The following LAMA5 variants were observed in gnomAD, a reference collection of about 807,000 sequenced individuals.
LAMA5 encodes laminin subunit alpha 5, also known as laminin subunit alpha-5.
A neutral mutation model predicts 433.4 loss-of-function variants in LAMA5; 260 were observed. The ratio of observed to expected loss-of-function variants is 0.60; its 90% CI spans 0.54 to 0.66. The LOEUF (loss-of-function observed/expected upper bound fraction) is 0.66, where lower values mean the gene tolerates loss of function less well. Ranked by LOEUF, LAMA5 falls within the 30% of genes least tolerant of loss-of-function variation. The pLI is 0.00. For missense variants in LAMA5, 5,378 were observed against 5,258.5 expected (o/e 1.02, Z -0.70); for synonymous variants, 2,620 against 2,226.6 (o/e 1.18, Z -4.97).
chr20:62,319,757 G>T lies in LAMA5; in HGVS notation c.6798C>A (p.Ala2266=), dbSNP rs140336045. The change falls in exon 51 of 80, where the codon GCC becomes GCA. Residue 2266 remains alanine, a synonymous_variant. Coordinates refer to ENST00000252999, the MANE Select transcript of LAMA5 (RefSeq NM_005560.6). ...CATGGCCCAGTGTGGCCTCGGTGCC[G>T]GCCAGCAATTGGCTCGCCTGGTCTC... ...GTRDQASQLL[A]GTEATLGHAK... The T allele has an allele frequency of 6.5e-7, 1 of 1,548,938 alleles. No individual in the cohort carries two copies. The highest frequency in any genetic ancestry group is 1.2e-5 in the South Asian group (1 of 84,144).
chr20:62,329,584 G>A (rs1426989016), intron 32 of LAMA5, among the ~76,000 whole-genome samples, 193 bp downstream of exon 32: 2 of 152,188 alleles, frequency 1.3e-5, no homozygotes, highest in Admixed American at 6.5e-5. Context: ...AGGGTGCAGG[G>A]TGCAGGGTCC....
intron 18 of LAMA5, 31 bp downstream of exon 18, chr20:62,336,309 C>T: frequency 6.7e-7 from 1 of 1,482,614 alleles, no homozygotes; most frequent in Non-Finnish European, 9.3e-7. Context: ...CCAAGGAACC[C>T]CTGTACCCCA....
rs548734984 is a variant in LAMA5, at chr20:62,363,696, C to T, written c.298-1144G>A. Reference sequence around the variant, plus strand: ...CTCAATCTGAGTTTGAGAAAGTCAGCGGCCCTACCCCGCCCAGCCTCCCTT... The same window carrying T: ...CTCAATCTGAGTTTGAGAAAGTCAGTGGCCCTACCCCGCCCAGCCTCCCTT... On this transcript the variant is annotated intron_variant, in intron 1 of 79. Transcript: ENST00000252999. 2.6e-5 allele frequency among the ~76,000 whole-genome samples: 4 copies of T among 152,214 alleles called. No individual in the cohort carries two copies. The South Asian group carries it at 6.2e-4, about 24-fold the overall frequency.
chr20:62,315,297 G>T, intron 58 of LAMA5, 90 bp from the exon 59 acceptor site: 2 of 1,134,032 alleles, frequency 1.8e-6, no homozygotes, highest in South Asian at 1.5e-5. Flanking sequence ...CCAGCAACAG[G>T]GACATCCAAC....
intron 67 of LAMA5, 30 bp from the exon 68 acceptor site, chr20:62,312,562 C>T (rs767508204): frequency 6.2e-5 from 99 of 1,598,788 alleles, no homozygotes; most frequent in East Asian, 1.3e-4. Context: ...CGGGTCAGGG[C>T]GCCACCTCCA....
At position 62,310,026 on chromosome 20, in the gene LAMA5, G is replaced by A. The variant is rs149612146; in HGVS notation, c.10790C>T (p.Pro3597Leu). 6.4e-5 allele frequency: 103 copies of A among 1,611,420 alleles called. No homozygotes were observed. In the African/African-American group the frequency reaches 1.2e-3, roughly 19 times the overall value. ...AGEFSTSVTR[P>L]SVLCDGQWHR... ...CCACTGGCCATCACACAGCACTGAG[G>A]GGCGGGTCACTGACGTGGAGAACTC... Residue 3597 changes from proline to leucine, a missense_variant, in exon 78 of 80, where the codon CCC becomes CTC. Coordinates refer to ENST00000252999, the MANE Select transcript of LAMA5 (RefSeq NM_005560.6).
At chr20:62,317,813 G>A (rs1488611033) in intron 53 of LAMA5, 35 bp from the exon 54 acceptor site, 7 of 1,282,620 alleles carry the variant, frequency 5.5e-6, no homozygotes, top group Admixed American at 4.2e-5. Flanking sequence ...GGACAATGAG[G>A]GGTAAGAAAA....
chr20:62,330,456 T>G, intron 31 of LAMA5, 32 bp downstream of exon 31: 1 of 1,507,558 alleles, frequency 6.6e-7, no homozygotes, highest in Non-Finnish European at 8.9e-7. Flanking sequence ...TCGTGTGTGG[T>G]AGCCTCTCCA....
At chr20:62,352,532 G>A (rs796590072) in intron 3 of LAMA5, among the ~76,000 whole-genome samples, 172 bp from the exon 4 acceptor site, 7 of 152,314 alleles carry the variant, frequency 4.6e-5, no homozygotes, top group African/African-American at 1.7e-4. Context: ...CCGTTGGACT[G>A]CACTGCCCCC....
At position 62,313,477 on chromosome 20, in the gene LAMA5, G is replaced by A. The variant is rs765646174; in HGVS notation, c.8659-17C>T. ...GGGAGGGGGCTGTGGGCACAGGGCT[G>A]GGTCAGGGCACCTGGCCTGAGGCGC... On this transcript the variant is annotated splice_polypyrimidine_tract_variant and intron_variant, in intron 63 of 79. Coordinates refer to ENST00000252999, the MANE Select transcript of LAMA5 (RefSeq NM_005560.6). The A allele has an allele frequency of 6.3e-7, 1 of 1,590,074 alleles. No individual in the cohort carries two copies. The highest frequency in any genetic ancestry group is 8.6e-7 in the Non-Finnish European group (1 of 1,169,452).
chr20:62,321,533 G>GGGGGCGCCA (rs1987767745), intron 48 of LAMA5, among the ~76,000 whole-genome samples: 1 of 96,202 alleles, frequency 1.0e-5, no homozygotes, highest in Non-Finnish European at 2.0e-5. Context: ...TCAGTGAAAG[G>GGGGGCGCCA]GTGGCGCCAG....
chr20:62,363,563 G>T (rs1015229630), intron 1 of LAMA5, among the ~76,000 whole-genome samples: 1 of 152,088 alleles, frequency 6.6e-6, no homozygotes, highest in East Asian at 1.9e-4. Context: ...AGGAGAGGGG[G>T]CAGAGCTGGG....
rs775729056 is a variant in LAMA5, at chr20:62,325,267, G to A, written c.5529+49C>T. The stretch of plus-strand genomic sequence containing the variant: ...ACACAGGGAGGATGCTGGAGGGAAG[G>A]GTGTGCACAGGTGAGCCGCCTCGCA... On this transcript the variant is annotated intron_variant, in intron 41 of 79. Coordinates refer to ENST00000252999, the MANE Select transcript of LAMA5 (RefSeq NM_005560.6). 9 of 1,214,048 alleles carry A rather than the reference G, an allele frequency of 7.4e-6. No homozygotes were observed. In the South Asian group the frequency reaches 1.2e-4, roughly 16 times the overall value. 75.2% of individuals were successfully genotyped at this position (1,214,048 alleles called of 1,614,324 possible).
At position 62,346,402 on chromosome 20, in the gene LAMA5, G is replaced by A. The variant is rs1429424310; in HGVS notation, c.1282+104C>T. 10 of 1,377,554 alleles carry A rather than the reference G, an allele frequency of 7.3e-6. No individual in the cohort carries two copies. In the African/African-American group the frequency reaches 1.0e-4, roughly 14 times the overall value. 85.3% of individuals were successfully genotyped at this position (1,377,554 alleles called of 1,614,324 possible). ...GGGAGGCTCCTTCCTGGGCTGGCCT[G>A]GAAGCTCAGGACATCCCCTCCAAAG... On this transcript the variant is annotated intron_variant, in intron 9 of 79. Transcript: ENST00000252999.
chr20:62,327,426 G>A lies in LAMA5; in HGVS notation c.4939-20C>T. 1 of 1,589,602 alleles carries A rather than the reference G, an allele frequency of 6.3e-7. No individual in the cohort carries two copies. Among genetic ancestry groups the A allele is most frequent in the Non-Finnish European group, 8.6e-7 (1 of 1,165,408 alleles). ...CACGAACTGTGGGCACACACGTGTG[G>A]CTGCACACGGGTGGATGCCCACACA... On this transcript the variant is annotated intron_variant, in intron 37 of 79. Transcript: ENST00000252999.
chr20:62,325,567 C>G, intron 40 of LAMA5, 21 bp from the exon 41 acceptor site: 2 of 1,518,666 alleles, frequency 1.3e-6, no homozygotes, highest in Non-Finnish European at 1.8e-6. Flanking sequence ...AGGATGGCAC[C>G]TCAGTGGGGC....
rs780516335 is a variant in LAMA5 at position 62,362,405 on chromosome 20, C to T, written c.445G>A (p.Gly149Ser). 6.5e-7 allele frequency: 1 copy of T among 1,540,812 alleles called. No homozygotes were observed. Among genetic ancestry groups the T allele is most frequent in the South Asian group, 1.2e-5 (1 of 82,340 alleles). Residue 149 changes from glycine (G) to serine (S), a missense_variant, in exon 2 of 80, where the codon GGC (glycine) becomes AGC (serine). Physicochemically the swap from Gly to Ser is moderately conservative, Grantham distance 56. Transcript: ENST00000252999. The stretch of plus-strand genomic sequence containing the variant: ...ACGCAAAGAAGGGTCCCTACCTGGC[C>T]CAGGTCCAGGGTGACGTTGACCTCG... ...YNEVNVTLDL[G>S]QVFHVAYVLI...
chr20:62,312,972 G>C lies in LAMA5; in HGVS notation c.8994C>G (p.Leu2998=), dbSNP rs377325871. 1.3e-6 allele frequency: 2 copies of C among 1,582,222 alleles called. No individual in the cohort carries two copies. The highest frequency in any genetic ancestry group is 1.7e-6 in the Non-Finnish European group (2 of 1,161,966). Residue 2998 remains leucine (L), a synonymous_variant, in exon 66 of 80, where the codon CTC becomes CTG. Coordinates refer to ENST00000252999, the MANE Select transcript of LAMA5 (RefSeq NM_005560.6). ...CAGCCCCAAAGTCATACAACAGCAC[G>C]AGGCTGCCTTCTTGCACGGCCAAGC... The part of the protein sequence containing the change: ...FLCLAVQEGS[L]VLLYDFGAGL...
In LAMA5 at chr20:62,324,647, A is replaced by C; in HGVS notation, c.5530-93T>G. 2 of 778,354 alleles carry C rather than the reference A, an allele frequency of 2.6e-6. No homozygotes were observed. Among genetic ancestry groups the C allele is most frequent in the Non-Finnish European group, 2.2e-6 (1 of 451,408 alleles). The allele number at this position is 778,354 out of a possible 1,614,324, so 48.2% of individuals were successfully genotyped here. On this transcript the variant is annotated intron_variant, in intron 41 of 79. Coordinates refer to ENST00000252999, the MANE Select transcript of LAMA5 (RefSeq NM_005560.6). The surrounding 1 kb of genome is among the most constrained non-coding windows in gnomAD (Gnocchi z 4.4). ...CAAGTCAGACCCTCAGGGATCCTGCAGGCACGAGGCACTGGGAACCCGTGG... is the reference window on the plus strand; with the variant it reads ...CAAGTCAGACCCTCAGGGATCCTGCCGGCACGAGGCACTGGGAACCCGTGG...
Sources: gnomAD v4.1 joint callset for allele counts (sites outside exome capture counted in the v4.1 genomes callset) on GRCh38, gnomAD v4.1.1 for gene constraint, Gnocchi (gnomAD v3.1) non-coding constraint, MANE v1.5 for transcripts, NCBI Gene and HGNC (gene_info 2026-07-23, HGNC 2026-07-21) for gene names.